BNC2: variants seen among roughly 807,000 people sequenced by gnomAD.
The protein encoded by BNC2 is zinc finger protein basonuclin-2.
BNC2 carries 20 observed loss-of-function variants against 76.3 expected under a neutral mutation model. The ratio of observed to expected loss-of-function variants is 0.26; its 90% CI spans 0.18 to 0.38. The LOEUF is 0.38. Among genes scored for constraint, BNC2 ranks in the 10% least tolerant of loss-of-function variants. The pLI is 1.00. For synonymous variants in BNC2, 582 were observed against 514.8 expected, an observed-to-expected ratio of 1.13 and a Z score of -1.77; for missense variants, 1,382 against 1,399.8, an observed-to-expected ratio of 0.99 and a Z score of 0.20.
chr9:16,740,024 C>A (rs534768451), intron 1 of BNC2, among the ~76,000 whole-genome samples: 2 of 152,240 alleles, frequency 1.3e-5, no homozygotes, highest in Non-Finnish European at 2.9e-5. Context: ...AGAGATAAAA[C>A]AAGTGGCCAA....
At chr9:16,754,805 G>A (rs1209525576) in intron 1 of BNC2, among the ~76,000 whole-genome samples, 2 of 152,168 alleles carry the variant, frequency 1.3e-5, no homozygotes, top group African/African-American at 2.4e-5. Context: ...TGATCTGCCT[G>A]CCTCAGCCTC....
At chr9:16,682,903 T>C (rs1320115361) in intron 3 of BNC2, among the ~76,000 whole-genome samples, 1 of 152,104 alleles carries the variant, frequency 6.6e-6, no homozygotes, top group African/African-American at 2.4e-5. Context: ...TATCAGCAAT[T>C]AAGGAGAGTC....
At chr9:16,525,676 T>G (rs765216156) in intron 5 of BNC2, among the ~76,000 whole-genome samples, 31 of 152,224 alleles carry the variant, frequency 2.0e-4, no homozygotes, top group Non-Finnish European at 4.3e-4. Context: ...TAAAAAAGAA[T>G]GAGGTAGCTC....
chr9:16,685,590 G>T (rs1279248102), intron 3 of BNC2: 1 of 1,304,292 alleles, frequency 7.7e-7, no homozygotes, highest in Non-Finnish European at 1.0e-6. Context: ...TTGGGCAGAA[G>T]TCTGCCCCCA....
chr9:16,481,013 G>A (rs568395628), intron 5 of BNC2, among the ~76,000 whole-genome samples: 1 of 152,258 alleles, frequency 6.6e-6, no homozygotes, highest in Admixed American at 6.5e-5. Context: ...TCTAGCTCAG[G>A]GATTGTAAAT....
At chr9:16,761,643 A>T (rs1440343957) in intron 1 of BNC2, among the ~76,000 whole-genome samples, 2 of 152,240 alleles carry the variant, frequency 1.3e-5, no homozygotes, top group South Asian at 4.1e-4. Flanking sequence ...GATTCTAGTT[A>T]TGGAAGCTGG....
At chr9:16,644,532 G>A (rs546654894) in intron 3 of BNC2, among the ~76,000 whole-genome samples, 1 of 151,892 alleles carries the variant, frequency 6.6e-6, no homozygotes, top group South Asian at 2.1e-4. Context: ...TAGTCATAGG[G>A]ATTCTGAATA....
In BNC2 at chr9:16,716,307, A is replaced by T. The variant is rs1007096614; in HGVS notation, c.330+11490T>A. On this transcript the variant is annotated intron_variant, in intron 3 of 6. Coordinates refer to ENST00000380672, the MANE Select transcript of BNC2 (RefSeq NM_017637.6). ...ATTCATCTTTACTGACTCCACATGT[A>T]TGCCACCATCTGACATTTATACTTA... Among the ~76,000 whole-genome samples, 8 of 152,330 alleles carry T rather than the reference A, an allele frequency of 5.3e-5. No individual in the cohort carries two copies. In the East Asian group the frequency reaches 1.5e-3, roughly 29 times the overall value.
intron 3 of BNC2, among the ~76,000 whole-genome samples, chr9:16,626,691 A>G (rs1821002485): frequency 6.6e-6 from 1 of 152,110 alleles, no homozygotes; most frequent in South Asian, 2.1e-4. Context: ...ACACACACAC[A>G]CACACACACC....
At chr9:16,578,041 ATT>A (rs75035265) in intron 4 of BNC2, among the ~76,000 whole-genome samples, 7 of 151,794 alleles carry the variant, frequency 4.6e-5, no homozygotes, top group African/African-American at 1.2e-4. Flanking sequence ...TTAAAAAAAA[ATT>A]TTTTTTTGTT....
chr9:16,818,526 T>C (rs1818238806), intron 1 of BNC2, among the ~76,000 whole-genome samples: 1 of 152,186 alleles, frequency 6.6e-6, no homozygotes, highest in African/African-American at 2.4e-5. Flanking sequence ...AGAGATGACA[T>C]TTCGATCACA....
At chr9:16,430,167 C>G (rs1820880634) in intron 6 of BNC2, among the ~76,000 whole-genome samples, 1 of 151,562 alleles carries the variant, frequency 6.6e-6, no homozygotes, top group Admixed American at 6.6e-5. Context: ...TGATCTTGCT[C>G]TATTGTGAAA....
intron 4 of BNC2, among the ~76,000 whole-genome samples, chr9:16,573,331 A>C (rs780810673): frequency 1.3e-5 from 2 of 152,200 alleles, no homozygotes. Context: ...GTGATGTTTA[A>C]AAACGTATTT....
At chr9:16,653,246 C>T (rs763043869) in intron 3 of BNC2, among the ~76,000 whole-genome samples, 2 of 152,058 alleles carry the variant, frequency 1.3e-5, no homozygotes, top group African/African-American at 2.4e-5. Context: ...TTAAGTGTGA[C>T]AGTTGATTAC....
chr9:16,854,731 C>T (rs1490668078), intron 1 of BNC2, among the ~76,000 whole-genome samples: 5 of 151,822 alleles, frequency 3.3e-5, no homozygotes, highest in Admixed American at 6.6e-5. Flanking sequence ...CAACTAGCTC[C>T]CAGGACAGTT....
chr9:16,750,379 C>T (rs1209116096), intron 1 of BNC2, among the ~76,000 whole-genome samples: 1 of 152,234 alleles, frequency 6.6e-6, no homozygotes, highest in East Asian at 1.9e-4. Flanking sequence ...CTACTACTGA[C>T]TGGCATCACA....
intron 3 of BNC2, among the ~76,000 whole-genome samples, chr9:16,618,303 C>T (rs1208277951): frequency 6.6e-6 from 1 of 152,172 alleles, no homozygotes; most frequent in East Asian, 1.9e-4. Flanking sequence ...AATTTTAGCT[C>T]TAGAGCTATT....
chr9:16,609,993 A>T (rs983593113), intron 3 of BNC2, among the ~76,000 whole-genome samples: 23 of 152,178 alleles, frequency 1.5e-4, no homozygotes, highest in African/African-American at 5.1e-4. Context: ...TAAGAAGGCA[A>T]ATCACTTATG....
intron 3 of BNC2, among the ~76,000 whole-genome samples, chr9:16,664,717 A>C (rs923508971): frequency 6.6e-6 from 1 of 151,792 alleles, no homozygotes; most frequent in Admixed American, 6.6e-5. Flanking sequence ...AAAAAACAAA[A>C]AAAAACAAAA....
Sources: gnomAD v4.1 joint callset for allele counts (sites outside exome capture counted in the v4.1 genomes callset) on GRCh38, gnomAD v4.1.1 for gene constraint, MANE v1.5 for transcripts, NCBI Gene and HGNC (gene_info 2026-07-23, HGNC 2026-07-21) for gene names.